PLEKHG1: variants seen among roughly 807,000 people sequenced by gnomAD.
PLEKHG1 encodes pleckstrin homology and RhoGEF domain containing G1.
In PLEKHG1, 44 loss-of-function variants were observed where a neutral mutation model predicts 100.8. That is an observed-to-expected ratio of 0.44 (90% CI 0.34 to 0.56). The LOEUF is 0.56. PLEKHG1 is among the 20% of genes least tolerant of loss of function. The pLI is 0.01. For synonymous variants in PLEKHG1, 640 were observed against 662.5 expected, an observed-to-expected ratio of 0.97 and a Z score of 0.52; for missense variants, 1,545 against 1,720.9, an observed-to-expected ratio of 0.90 and a Z score of 1.81.
Position 150,683,935 on chromosome 6 carries a change from G to C in PLEKHG1, c.-99+33149G>C. Reference sequence around the variant, plus strand: ...CACCTGCAGCCAGGGTGGTGGCAAGGGCAGTGGCAAGTAGTGGGTTTCATG... The same window carrying C: ...CACCTGCAGCCAGGGTGGTGGCAAGCGCAGTGGCAAGTAGTGGGTTTCATG... On this transcript the variant is annotated intron_variant, in intron 3 of 3. Transcript: ENST00000367326. This position sits in a 1 kb window ranked among gnomAD's most constrained non-coding sequence, Gnocchi z 4.0. 1 of 657,312 alleles carries C rather than the reference G, an allele frequency of 1.5e-6. No individual in the cohort carries two copies. The highest frequency in any genetic ancestry group is 1.7e-5 in the South Asian group (1 of 57,190). The allele number at this position is 657,312 out of a possible 1,614,324, so 40.7% of individuals were successfully genotyped here. A position where few individuals can be genotyped will look rare whatever the true frequency, so the allele number is the denominator to read the frequency against.
intron 3 of PLEKHG1, among the ~76,000 whole-genome samples, chr6:150,779,508 G>A (rs766214055): frequency 1.3e-5 from 2 of 151,812 alleles, no homozygotes; most frequent in Non-Finnish European, 2.9e-5. Context: ...ACCACACTCA[G>A]CTAATTTATG....
intron 3 of PLEKHG1, among the ~76,000 whole-genome samples, chr6:150,702,696 A>T (rs185672745): frequency 3.3e-5 from 5 of 152,274 alleles, no homozygotes; most frequent in Admixed American, 3.3e-4. Flanking sequence ...TTTGTCATAA[A>T]TAAAAAACAT....
chr6:150,721,449 G>C (rs1781669900), intron 1 of PLEKHG1, among the ~76,000 whole-genome samples: 1 of 152,048 alleles, frequency 6.6e-6, no homozygotes, highest in South Asian at 2.1e-4. Flanking sequence ...AATAGTTTTT[G>C]TCTTAGTTTC....
chr6:150,643,111 A>C (rs1362967965), intron 2 of PLEKHG1, among the ~76,000 whole-genome samples: 1 of 152,220 alleles, frequency 6.6e-6, no homozygotes. Flanking sequence ...AATATGAGGA[A>C]GAGGTCACCT....
intron 15 of PLEKHG1, among the ~76,000 whole-genome samples, 197 bp downstream of exon 16, chr6:150,832,402 T>C: frequency 6.6e-6 from 1 of 152,216 alleles, no homozygotes; most frequent in Non-Finnish European, 1.5e-5. Context: ...GTAGCATGAT[T>C]TGGCCTCAGA....
chr6:150,669,864 C>T (rs570060132), intron 3 of PLEKHG1, among the ~76,000 whole-genome samples: 3 of 152,180 alleles, frequency 2.0e-5, no homozygotes, highest in East Asian at 3.9e-4. Flanking sequence ...TCCCACAGTG[C>T]TGGGATTACA....
chr6:150,794,364 T>C (rs1168091630), intron 4 of PLEKHG1, among the ~76,000 whole-genome samples: 1 of 152,186 alleles, frequency 6.6e-6, no homozygotes, highest in East Asian at 1.9e-4. Context: ...AATGGTATTA[T>C]GTTTAATGTC....
intron 14 of PLEKHG1, chr6:150,827,523 G>T: frequency 1.9e-6 from 1 of 537,082 alleles, no homozygotes. Flanking sequence ...TGATTCGCCC[G>T]CCTCTGCCTT....
chr6:150,674,682 T>TCTCTCTCTCTCC lies in PLEKHG1; in HGVS notation c.-99+23897_-99+23898insTCTCTCTCTCCC, dbSNP rs1455673564. On this transcript the variant is annotated intron_variant, in intron 3 of 3. Transcript: ENST00000367326. ...CTCTCTCTCTCTCTCTCTCTCTCTC[T>TCTCTCTCTCTCC]CCCCCCTCTTCTCTTCTTTCCATGG... is the stretch of plus-strand genomic sequence containing the variant. 8.8e-4 allele frequency among the ~76,000 whole-genome samples: 92 copies of TCTCTCTCTCTCC among 104,226 alleles called. 1 individual carries two copies. The highest frequency in any genetic ancestry group is 3.4e-3 in the East Asian group (13 of 3,806). 68.4% of individuals were successfully genotyped at this position (104,226 alleles called of 152,430 possible). A position where few individuals can be genotyped will look rare whatever the true frequency, so the allele number is the denominator to read the frequency against.
intron 2 of PLEKHG1, among the ~76,000 whole-genome samples, chr6:150,750,660 A>C (rs1213549628): frequency 1.3e-5 from 2 of 148,754 alleles, no homozygotes; most frequent in African/African-American, 5.0e-5. Flanking sequence ...GGGCGCCTGT[A>C]GTCCCAGCTA....
At position 150,752,571 on chromosome 6, in the gene PLEKHG1, C is replaced by T. The variant is rs563299384; in HGVS notation, c.412-16067C>T. Among the ~76,000 whole-genome samples the T allele has an allele frequency of 7.2e-5, 11 of 152,338 alleles. No individual in the cohort carries two copies. In the South Asian group the frequency reaches 2.3e-3, roughly 32 times the overall value. The stretch of plus-strand genomic sequence containing the variant: ...GTCCTTTTGCAGCTGGCTCATTTCA[C>T]TCAGCATGTTTCCAAGGTTCATTCA... On this transcript the variant is annotated intron_variant, in intron 2 of 15. Transcript: ENST00000358517.
chr6:150,833,300 A>G (rs803408), intron 15 of PLEKHG1, among the ~76,000 whole-genome samples: 106,662 of 152,102 alleles, frequency 0.7, 37,615 homozygotes, highest in Non-Finnish European at 0.72. Context: ...TGACTCTCCC[A>G]CCTTGGCCTC....
chr6:150,694,922 C>G (rs275350), intron 3 of PLEKHG1, among the ~76,000 whole-genome samples: 80,074 of 151,888 alleles, frequency 0.53, 21,756 homozygotes, highest in South Asian at 0.72. Context: ...TTTTATACAT[C>G]TAAAGTTTTA....
chr6:150,767,360 G>A (rs1344642053), intron 2 of PLEKHG1, among the ~76,000 whole-genome samples: 1 of 152,108 alleles, frequency 6.6e-6, no homozygotes, highest in Non-Finnish European at 1.5e-5. Flanking sequence ...TTCTTACCGA[G>A]GTGACTACTT....
At chr6:150,681,215 C>T (rs746818926) in intron 3 of PLEKHG1, among the ~76,000 whole-genome samples, 7 of 152,206 alleles carry the variant, frequency 4.6e-5, no homozygotes, top group Non-Finnish European at 7.4e-5. Context: ...TAGTGGTTAT[C>T]ACTTGGAGAA....
chr6:150,730,326 G>T (rs916867957), intron 1 of PLEKHG1, among the ~76,000 whole-genome samples: 11 of 147,328 alleles, frequency 7.5e-5, no homozygotes, highest in Non-Finnish European at 1.3e-4. Context: ...AGGGTGGGTT[G>T]AGGTGGTGGG....
intron 3 of PLEKHG1, among the ~76,000 whole-genome samples, chr6:150,655,312 A>C (rs1778919634): frequency 6.6e-6 from 1 of 152,140 alleles, no homozygotes; most frequent in Admixed American, 6.5e-5. Flanking sequence ...AAATCATTCT[A>C]CTCTAAAAAC....
intron 3 of PLEKHG1, among the ~76,000 whole-genome samples, chr6:150,700,555 T>C (rs1780730293): frequency 6.6e-6 from 1 of 151,520 alleles, no homozygotes; most frequent in Admixed American, 6.6e-5. Context: ...TAAACATATT[T>C]ACCTCGGGCC....
chr6:150,624,487 A>T (rs566783419), intron 1 of PLEKHG1, among the ~76,000 whole-genome samples: 1 of 152,302 alleles, frequency 6.6e-6, no homozygotes, highest in East Asian at 1.9e-4. Flanking sequence ...ACAGCCTCTT[A>T]AGAAATTCAG....
Sources: allele counts gnomAD v4.1 joint callset (sites outside exome capture counted in the v4.1 genomes callset), GRCh38; gene constraint gnomAD v4.1.1; non-coding constraint Gnocchi (gnomAD v3.1); transcripts MANE v1.5; gene names NCBI Gene and HGNC (gene_info 2026-07-23, HGNC 2026-07-21).